SLC26A9: variants seen among roughly 807,000 people sequenced by gnomAD.
SLC26A9 encodes the protein anion transporter/exchanger protein 9.
Under a neutral mutation model 87.1 loss-of-function variants are expected in SLC26A9, and 46 were observed. That is an observed-to-expected ratio of 0.53 (90% CI 0.42 to 0.67). The LOEUF (loss-of-function observed/expected upper bound fraction) is 0.67, where lower values mean the gene tolerates loss of function less well. SLC26A9 is among the 30% of genes least tolerant of loss of function. The probability of loss-of-function intolerance (pLI) is 0.00; values close to 1 mark genes in which losing one functional copy is unlikely to be tolerated. For missense variants in SLC26A9, 927 were observed against 1,018.3 expected (o/e 0.91, Z 1.22); for synonymous variants, 437 against 409.1 (o/e 1.07, Z -0.82).
chr1:205,923,019 CAG>C, intron 16 of SLC26A9, 61 bp downstream of exon 16: 5 of 1,502,358 alleles, frequency 3.3e-6, no homozygotes, highest in Non-Finnish European at 4.6e-6. Flanking sequence ...CCATGAGTAA[CAG>C]GGGGCAGTAT....
chr1:205,935,491 G>T (rs1266257977), intron 2 of SLC26A9: 13 of 620,314 alleles, frequency 2.1e-5, no homozygotes. Flanking sequence ...CCTTCTGGAT[G>T]GTTCTTGCTC....
chr1:205,918,701 G>A (rs1658696974), intron 19 of SLC26A9, 139 bp downstream of exon 19: 3 of 1,110,642 alleles, frequency 2.7e-6, no homozygotes, highest in Non-Finnish European at 3.8e-6. Flanking sequence ...CTATAGATAA[G>A]GAAACAGATT....
In SLC26A9 at chr1:205,927,940, G is replaced by A; in HGVS notation, c.1063C>T (p.Leu355=). The part of the protein sequence containing the change: ...YVINLAMGRT[L]ANKHGYDVDS... ...ACGTCGTAGCCGTGCTTGTTGGCCA[G>A]GGTCCGGCCCATAGCCAGGTTGATG... The change falls in exon 9 of 21, where the codon CTG becomes TTG. Residue 355 remains leucine (L), a synonymous_variant. Coordinates refer to ENST00000367135, the MANE Select transcript of SLC26A9 (RefSeq NM_052934.4). The A allele has an allele frequency of 6.2e-7, 1 of 1,614,186 alleles. No homozygotes were observed.
chr1:205,930,132 A>G, intron 5 of SLC26A9, 76 bp from the exon 6 acceptor site: 1 of 1,479,792 alleles, frequency 6.8e-7, no homozygotes, highest in South Asian at 1.4e-5. Flanking sequence ...CCCCACACAC[A>G]CGCAGGTCTG....
At chr1:205,937,608 G>A (rs945793820) in intron 1 of SLC26A9, among the ~76,000 whole-genome samples, 5 of 152,184 alleles carry the variant, frequency 3.3e-5, no homozygotes, top group Non-Finnish European at 5.9e-5. Context: ...TGGTAGTGGC[G>A]ATGATTACTA....
chr1:205,938,668 T>C (rs7521316), intron 1 of SLC26A9, among the ~76,000 whole-genome samples: 113,164 of 152,044 alleles, frequency 0.74, 43,072 homozygotes, highest in East Asian at 0.94. Flanking sequence ...CCTTTCTAGA[T>C]CTGCCCATCC....
At chr1:205,927,701 CCTGAGAG>C in intron 9 of SLC26A9, 96 bp from the exon 10 acceptor site, 1 of 1,401,908 alleles carries the variant, frequency 7.1e-7, no homozygotes, top group Non-Finnish European at 9.8e-7. Context: ...GGGCCTAAGA[CCTGAGAG>C]TGACCCAGTG....
chr1:205,934,140 C>G (rs1226959074), intron 2 of SLC26A9, among the ~76,000 whole-genome samples: 2 of 152,216 alleles, frequency 1.3e-5, no homozygotes, highest in South Asian at 4.1e-4. Flanking sequence ...TCACCCAAGA[C>G]TGAAACCAAC....
chr1:205,940,103 G>A (rs141884973), intron 1 of SLC26A9, among the ~76,000 whole-genome samples: 3 of 152,318 alleles, frequency 2.0e-5, no homozygotes, highest in African/African-American at 7.2e-5. Context: ...GGAGTAGGGG[G>A]TGAGCCAGGA....
Position 205,936,760 on chromosome 1 carries a change from G to C in SLC26A9, c.-18-922C>G, listed in dbSNP as rs1035028201. On this transcript the variant is annotated intron_variant, in intron 1 of 20. Coordinates refer to ENST00000367135, the MANE Select transcript of SLC26A9 (RefSeq NM_052934.4). ...TTTGTATCTGGGAGGTGGGGAGTGT[G>C]GGGTGGCTGTGGCCAGTTTGGCAAA... 2.6e-5 allele frequency among the ~76,000 whole-genome samples: 4 copies of C among 152,254 alleles called. No individual in the cohort carries two copies. In the East Asian group the frequency reaches 7.7e-4, roughly 29 times the overall value.
At chr1:205,924,557 ATT>A in intron 12 of SLC26A9, 68 bp from the exon 13 acceptor site, 2 of 1,438,168 alleles carry the variant, frequency 1.4e-6, no homozygotes, top group Non-Finnish European at 1.9e-6. Context: ...GTCTTCCTGG[ATT>A]AGCCAAGGCC....
chr1:205,939,021 C>T (rs1346675259), intron 1 of SLC26A9, among the ~76,000 whole-genome samples: 1 of 152,312 alleles, frequency 6.6e-6, no homozygotes, highest in East Asian at 1.9e-4. Context: ...GCCTCCCTTG[C>T]TTTACTGGAA....
intron 16 of SLC26A9, among the ~76,000 whole-genome samples, chr1:205,922,096 T>C (rs1363946750): frequency 6.6e-6 from 1 of 152,124 alleles, no homozygotes; most frequent in Non-Finnish European, 1.5e-5. Flanking sequence ...CACTGAAGCC[T>C]CAAGCCCACT....
rs867246317 is a variant in SLC26A9, at chr1:205,937,688, C to T, written c.-18-1850G>A. ...TCAGAGGCTGCCGGCCCTTCACCGC[C>T]CGTGAGGCGGGGTGGTCTCACTCTT... On this transcript the variant is annotated intron_variant, in intron 1 of 20. Transcript: ENST00000367135. Among the ~76,000 whole-genome samples, 15 of 152,224 alleles carry T rather than the reference C, an allele frequency of 9.9e-5. 1 individual carries two copies. In the Middle Eastern group the frequency reaches 0.014, roughly 139 times the overall value.
At chr1:205,933,251 G>A (rs1659380654) in intron 2 of SLC26A9, among the ~76,000 whole-genome samples, 167 bp from the exon 3 acceptor site, 1 of 152,208 alleles carries the variant, frequency 6.6e-6, no homozygotes, top group African/African-American at 2.4e-5. Context: ...TTTCTTGAGA[G>A]CTCATCAACT....
Position 205,927,879 on chromosome 1 carries a change from C to T in SLC26A9, c.1101+23G>A. 3 of 1,611,290 alleles carry T rather than the reference C, an allele frequency of 1.9e-6. No homozygotes were observed. The African/African-American group carries it at 4.0e-5, about 21-fold the overall frequency. On this transcript the variant is annotated intron_variant, in intron 9 of 20. Coordinates refer to ENST00000367135, the MANE Select transcript of SLC26A9 (RefSeq NM_052934.4). Reference sequence around the variant, plus strand: ...CTGAGTTGACCTGTCCTGCCCAGTCCTGCCGGGGGTGGCCAGAGCTACCTG... The same window carrying T: ...CTGAGTTGACCTGTCCTGCCCAGTCTTGCCGGGGGTGGCCAGAGCTACCTG...
chr1:205,931,900 T>C lies in SLC26A9; in HGVS notation c.512A>G (p.His171Arg), dbSNP rs1659324109. ...DTAAMEAERL[H>R]VSATLACLTA... ...GAGGCAGGCTAGCGTAGCTGACACG[T>C]GCAGCCTCTCAGCCTCCATGGCTGC... is the stretch of plus-strand genomic sequence containing the variant. The change falls in exon 5 of 21, where the codon CAC becomes CGC. Residue 171 changes from histidine to arginine, a missense_variant. His to Arg is a conservative substitution (Grantham distance 29, BLOSUM62 0). Coordinates refer to ENST00000367135, the MANE Select transcript of SLC26A9 (RefSeq NM_052934.4). 3 of 1,614,152 alleles carry C rather than the reference T, an allele frequency of 1.9e-6. No homozygotes were observed. Among genetic ancestry groups the C allele is most frequent in the Non-Finnish European group, 2.5e-6 (3 of 1,180,006 alleles).
In SLC26A9 at chr1:205,915,285, C is replaced by T. The variant is rs780098030; in HGVS notation, c.*72G>A. 1.2e-6 allele frequency: 2 copies of T among 1,609,858 alleles called. No homozygotes were observed. Among genetic ancestry groups the T allele is most frequent in the East Asian group, 2.2e-5 (1 of 44,860 alleles). ...TTCCTCCGCCCGACACCCCCTGTGA[C>T]CCCAGGCTCATCCTTTATGGAAGTC... On this transcript the variant is annotated 3_prime_UTR_variant, in exon 21 of 21. Coordinates refer to ENST00000367135, the MANE Select transcript of SLC26A9 (RefSeq NM_052934.4).
Position 205,924,443 on chromosome 1 carries a change from G to A in SLC26A9, c.1436C>T (p.Pro479Leu). ...GGCGACACCCACTGCCACACCATAG[G>A]GCAGGCTGAGGAAGAAGGAGGAGAG... Reference protein sequence around the residue: ...SFLSSFFLSLPYGVAVGVAFS... With the variant: ...SFLSSFFLSLLYGVAVGVAFS... Residue 479 changes from proline to leucine, a missense_variant, in exon 13 of 21, where the codon CCC becomes CTC. By Grantham distance (98) the Pro-to-Leu change is moderately conservative. Transcript: ENST00000367135. 6.2e-7 allele frequency: 1 copy of A among 1,614,208 alleles called. No individual in the cohort carries two copies. Among genetic ancestry groups the A allele is most frequent in the Non-Finnish European group, 8.5e-7 (1 of 1,180,042 alleles).
Sources: gnomAD v4.1 joint callset for allele counts (sites outside exome capture counted in the v4.1 genomes callset) on GRCh38, gnomAD v4.1.1 for gene constraint, MANE v1.5 for transcripts, NCBI Gene and HGNC (gene_info 2026-07-23, HGNC 2026-07-21) for gene names.